Variants in GRM8 observed in about 807,000 individuals in gnomAD.
GRM8 encodes metabotropic glutamate receptor 8.
A neutral mutation model predicts 87.2 loss-of-function variants in GRM8; 47 were observed. The ratio of observed to expected loss-of-function variants is 0.54; its 90% CI spans 0.43 to 0.69. The LOEUF (loss-of-function observed/expected upper bound fraction) is 0.69. Among genes scored for constraint, GRM8 ranks in the 30% least tolerant of loss-of-function variants. GRM8 has a pLI of 0.00. For synonymous variants in GRM8, 396 were observed against 404.5 expected (o/e 0.98, Z 0.25); for missense variants, 1,019 against 1,139.2 (o/e 0.89, Z 1.52).
chr7:126,900,551 C>A (rs1240821409), intron 6 of GRM8, among the ~76,000 whole-genome samples: 2 of 152,136 alleles, frequency 1.3e-5, no homozygotes, highest in African/African-American at 4.8e-5. Context: ...CACTCTGTCG[C>A]CCAGGCTGGG....
intron 2 of GRM8, among the ~76,000 whole-genome samples, chr7:127,183,740 A>C (rs532366716): frequency 6.6e-6 from 1 of 152,032 alleles, no homozygotes; most frequent in Non-Finnish European, 1.5e-5. Flanking sequence ...CAATGAAATC[A>C]AAAGCAGCTC....
intron 6 of GRM8, among the ~76,000 whole-genome samples, chr7:126,860,996 C>T (rs1487882988): frequency 6.6e-6 from 1 of 152,098 alleles, no homozygotes; most frequent in East Asian, 1.9e-4. Context: ...CTCCCACAAT[C>T]ACTGTAAATC....
chr7:126,814,188 T>C lies in GRM8; in HGVS notation c.1157-44123A>G, dbSNP rs944192715. Among the ~76,000 whole-genome samples the C allele has an allele frequency of 2.0e-5, 3 of 152,118 alleles. No homozygotes were observed. In the South Asian group the frequency reaches 6.2e-4, roughly 31 times the overall value. On this transcript the variant is annotated intron_variant, in intron 6 of 10. Transcript: ENST00000339582. ...ATGACAAAATAGCAAAAGAGGCTCA[T>C]GTAGTATACTCAGTTTTATCACCAA...
At chr7:127,004,127 T>C (rs1445426862) in intron 3 of GRM8, among the ~76,000 whole-genome samples, 1 of 151,712 alleles carries the variant, frequency 6.6e-6, no homozygotes, top group East Asian at 1.9e-4. Flanking sequence ...TAAGAGCACT[T>C]ATTTAAATAG....
chr7:126,646,454 C>T (rs1803104804), intron 7 of GRM8, among the ~76,000 whole-genome samples: 1 of 152,150 alleles, frequency 6.6e-6, no homozygotes, highest in African/African-American at 2.4e-5. Context: ...AACCCATCTT[C>T]CTTCATCCTT....
chr7:126,563,315 A>G (rs1173335568), intron 8 of GRM8, among the ~76,000 whole-genome samples: 2 of 151,712 alleles, frequency 1.3e-5, no homozygotes, highest in African/African-American at 2.4e-5. Flanking sequence ...AAACATATTT[A>G]ATCAAAAATA....
At chr7:126,752,939 C>G (rs1003803390) in intron 7 of GRM8, among the ~76,000 whole-genome samples, 2 of 152,064 alleles carry the variant, frequency 1.3e-5, no homozygotes, top group Non-Finnish European at 2.9e-5. Flanking sequence ...ATATGTGTTA[C>G]TAAACTGCAT....
At chr7:127,185,511 A>G (rs1351819060) in intron 2 of GRM8, among the ~76,000 whole-genome samples, 3 of 152,316 alleles carry the variant, frequency 2.0e-5, no homozygotes, top group Admixed American at 6.5e-5. Flanking sequence ...AAAGTATAAA[A>G]TTTCTAGAAG....
chr7:126,535,799 T>C (rs753303772), intron 8 of GRM8, among the ~76,000 whole-genome samples: 25 of 152,176 alleles, frequency 1.6e-4, no homozygotes, highest in Admixed American at 5.9e-4. Context: ...ATGAAAACTC[T>C]CAGCAGCCCT....
Position 126,873,101 on chromosome 7 carries a change from AT to A in GRM8, c.1156+29440del, listed in dbSNP as rs1004674213. Reference sequence around the variant, plus strand: ...CACACACATACAGTTTTAAAGATGCATTTTTCCTCTTCTGGAATGTGTTACT... The same window carrying A: ...CACACACATACAGTTTTAAAGATGCATTTTCCTCTTCTGGAATGTGTTACT... On this transcript the variant is annotated intron_variant, in intron 6 of 10. Coordinates refer to ENST00000339582, the MANE Select transcript of GRM8 (RefSeq NM_000845.3). Among the ~76,000 whole-genome samples the A allele has an allele frequency of 1.1e-4, 16 of 152,038 alleles. 1 individual carries two copies. Among genetic ancestry groups the A allele is most frequent in the Non-Finnish European group, 2.1e-4 (14 of 67,966 alleles).
At chr7:126,440,536 T>A (rs1276585050) in intron 10 of GRM8, among the ~76,000 whole-genome samples, 1 of 152,078 alleles carries the variant, frequency 6.6e-6, no homozygotes, top group Admixed American at 6.6e-5. Context: ...TCATAGTAAG[T>A]TCCCTATTTA....
At chr7:126,655,479 C>CTCTG (rs1248304087) in intron 7 of GRM8, among the ~76,000 whole-genome samples, 1 of 151,972 alleles carries the variant, frequency 6.6e-6, no homozygotes, top group Non-Finnish European at 1.5e-5. Context: ...CTTTCTCTCT[C>CTCTG]TCTCTCTCTC....
At chr7:127,024,764 C>T (rs1816614360) in intron 3 of GRM8, among the ~76,000 whole-genome samples, 1 of 152,036 alleles carries the variant, frequency 6.6e-6, no homozygotes, top group Admixed American at 6.6e-5. Flanking sequence ...GCCTGCAGAG[C>T]TCACTCATGT....
At chr7:126,527,449 C>T (rs756579281) in intron 9 of GRM8, among the ~76,000 whole-genome samples, 3 of 152,174 alleles carry the variant, frequency 2.0e-5, no homozygotes, top group African/African-American at 7.2e-5. Context: ...TACAAACATA[C>T]AATGTGGATA....
intron 2 of GRM8, among the ~76,000 whole-genome samples, chr7:127,232,912 A>G (rs1797774514): frequency 6.6e-6 from 1 of 152,100 alleles, no homozygotes. Flanking sequence ...ATCTTGGCTC[A>G]CTGCAACCTC....
At chr7:126,766,070 A>G (rs1818161324) in intron 7 of GRM8, among the ~76,000 whole-genome samples, 1 of 152,140 alleles carries the variant, frequency 6.6e-6, no homozygotes, top group African/African-American at 2.4e-5. Flanking sequence ...AATACTAGTC[A>G]TTTATCACTC....
intron 9 of GRM8, among the ~76,000 whole-genome samples, chr7:126,491,566 C>G (rs1377967870): frequency 6.6e-6 from 1 of 151,880 alleles, no homozygotes; most frequent in Non-Finnish European, 1.5e-5. Flanking sequence ...ATTTTCATAC[C>G]GTTAGAAGTA....
chr7:126,833,101 G>C (rs938796442), intron 6 of GRM8, among the ~76,000 whole-genome samples: 2 of 152,182 alleles, frequency 1.3e-5, no homozygotes, highest in South Asian at 4.1e-4. Flanking sequence ...TCAGTCTCTT[G>C]GCTAGCCAAG....
intron 6 of GRM8, among the ~76,000 whole-genome samples, chr7:126,786,113 C>A (rs1481804958): frequency 6.6e-6 from 1 of 152,076 alleles, no homozygotes; most frequent in Non-Finnish European, 1.5e-5. Context: ...TTCACTGTCT[C>A]CATCTGTTGT....
Sources: gnomAD v4.1 joint callset for allele counts (sites outside exome capture counted in the v4.1 genomes callset) on GRCh38, gnomAD v4.1.1 for gene constraint, MANE v1.5 for transcripts, NCBI Gene and HGNC (gene_info 2026-07-23, HGNC 2026-07-21) for gene names.